TEX11: variants seen among roughly 807,000 people sequenced by gnomAD.
TEX11 encodes the protein testis-expressed protein 11.
In TEX11, 7 loss-of-function variants were observed where a neutral mutation model predicts 84.4. The ratio of observed to expected loss-of-function variants is 0.08; its 90% CI spans 0.05 to 0.16. TEX11 has a LOEUF of 0.16. Ranked by LOEUF, TEX11 falls within the 10% of genes least tolerant of loss-of-function variation. The pLI, the probability that TEX11 is intolerant of heterozygous loss-of-function variation, is 1.00. For synonymous variants in TEX11, 264 were observed against 222.8 expected (o/e 1.18, Z -1.64); for missense variants, 551 against 660.5 (o/e 0.83, Z 1.82).
intron 22 of TEX11, among the ~76,000 whole-genome samples, chrX:70,607,261 C>T (rs2147524604): frequency 9.0e-6 from 1 of 111,289 alleles, no homozygotes; most frequent in South Asian, 3.8e-4. Context: ...GGAGGTACTG[C>T]TGAATTTTTT....
intron 11 of TEX11, among the ~76,000 whole-genome samples, chrX:70,737,064 T>C: frequency 9.0e-6 from 1 of 111,433 alleles, no homozygotes; most frequent in Non-Finnish European, 1.9e-5. Flanking sequence ...AGAAGTGACA[T>C]AGATATTAGA....
At chrX:70,678,006 C>T (rs776780755) in intron 15 of TEX11, among the ~76,000 whole-genome samples, 3 of 108,548 alleles carry the variant, frequency 2.8e-5, no homozygotes, top group Non-Finnish European at 5.7e-5. Context: ...TAGAGATGGG[C>T]TTTCACCATG....
At chrX:70,725,442 T>A in intron 11 of TEX11, 99 bp from the exon 12 acceptor site, 2 of 487,155 alleles carry the variant, frequency 4.1e-6, no homozygotes, top group Non-Finnish European at 6.7e-6. Flanking sequence ...TTGGGATAAC[T>A]CATAATCAAA....
chrX:70,840,587 C>A (rs2091436813), intron 7 of TEX11, among the ~76,000 whole-genome samples: 1 of 111,376 alleles, frequency 9.0e-6, no homozygotes, highest in South Asian at 3.8e-4. Context: ...AGCAAAATGA[C>A]CAGCTAACAT....
intron 24 of TEX11, among the ~76,000 whole-genome samples, chrX:70,602,635 C>T (rs2089137364): frequency 9.3e-6 from 1 of 107,888 alleles, no homozygotes; most frequent in South Asian, 4.1e-4. Flanking sequence ...CCTTTGAAAA[C>T]TGGCACAAGA....
intron 18 of TEX11, among the ~76,000 whole-genome samples, chrX:70,626,036 CTGCGCGCGGCAT>C (rs2089447467): frequency 9.0e-6 from 1 of 111,393 alleles, no homozygotes; most frequent in African/African-American, 3.3e-5. Context: ...GCGTGAGCCA[CTGCGCGCGGCAT>C]ATTTTCCGCA....
chrX:70,586,243 T>A (rs890718195), intron 25 of TEX11, among the ~76,000 whole-genome samples: 9 of 112,090 alleles, frequency 8.0e-5, no homozygotes, highest in Non-Finnish European at 1.1e-4. Context: ...TAGGAATAAA[T>A]CTTCATGACT....
chrX:70,600,091 C>G (rs1296141046), intron 24 of TEX11, among the ~76,000 whole-genome samples: 2 of 111,261 alleles, frequency 1.8e-5, no homozygotes, highest in Admixed American at 1.9e-4. Flanking sequence ...TGAGGAATTG[C>G]CACACTGACT....
chrX:70,558,854 A>C, intron 25 of TEX11, among the ~76,000 whole-genome samples: 1 of 112,129 alleles, frequency 8.9e-6, no homozygotes, highest in East Asian at 2.8e-4. Flanking sequence ...CAGGAAATCA[A>C]AACCATAATA....
chrX:70,766,357 A>C (rs1049982837), intron 9 of TEX11, among the ~76,000 whole-genome samples: 6 of 109,889 alleles, frequency 5.5e-5, no homozygotes, highest in Non-Finnish European at 1.1e-4. Context: ...AGTTGCAGTG[A>C]GCTGAGATTG....
At chrX:70,905,807 T>C (rs1369705809) in intron 2 of TEX11, among the ~76,000 whole-genome samples, 1 of 107,297 alleles carries the variant, frequency 9.3e-6, no homozygotes, top group East Asian at 2.9e-4. Context: ...ATCCTAAGAC[T>C]TTGGGAGGCT....
chrX:70,744,126 T>G (rs1215417287), intron 10 of TEX11, 39 bp downstream of exon 10: 2 of 882,587 alleles, frequency 2.3e-6, no homozygotes, highest in African/African-American at 4.2e-5. Flanking sequence ...TAAAGCAGGT[T>G]ATTCAACCTA....
At position 70,605,307 on chromosome X, in the gene TEX11, C is replaced by A. The variant is rs189929727; in HGVS notation, c.2067+94G>T. The A allele has an allele frequency of 6.0e-4, 333 of 557,170 alleles. 4 individuals are homozygous for A. In the African/African-American group the frequency reaches 6.8e-3, roughly 11 times the overall value. The allele number at this position is 557,170 out of a possible 1,213,427, so 45.9% of individuals were successfully genotyped here. On this transcript the variant is annotated intron_variant, in intron 24 of 29. Transcript: ENST00000374333. Reference sequence around the variant, plus strand: ...CGATGCTGGAGTGGAGAAAAGGATTCTCTAAAGAGAATCAAAAAGAACTGC... The same window carrying A: ...CGATGCTGGAGTGGAGAAAAGGATTATCTAAAGAGAATCAAAAAGAACTGC...
At chrX:70,865,383 G>A (rs1407164080) in intron 4 of TEX11, among the ~76,000 whole-genome samples, 1 of 111,737 alleles carries the variant, frequency 8.9e-6, no homozygotes, top group African/African-American at 3.3e-5. Flanking sequence ...GGGGCACCCA[G>A]ATTCATAAAG....
At chrX:70,615,256 A>C (rs1011534918) in intron 20 of TEX11, among the ~76,000 whole-genome samples, 26 of 111,722 alleles carry the variant, frequency 2.3e-4, no homozygotes, top group African/African-American at 8.5e-4. Context: ...TCAGAAAGAG[A>C]ATTCAAAATA....
intron 4 of TEX11, among the ~76,000 whole-genome samples, chrX:70,863,281 G>C (rs1483232920): frequency 1.8e-5 from 2 of 111,995 alleles, no homozygotes; most frequent in African/African-American, 6.5e-5. Flanking sequence ...CTGACTGGGA[G>C]AGACCTCCCA....
At chrX:70,886,657 T>A (rs1416043426) in intron 2 of TEX11, among the ~76,000 whole-genome samples, 1 of 112,010 alleles carries the variant, frequency 8.9e-6, no homozygotes, top group Non-Finnish European at 1.9e-5. Context: ...GCCCCTAGTA[T>A]GTTAAAGCTC....
intron 25 of TEX11, among the ~76,000 whole-genome samples, chrX:70,584,215 G>A (rs1381864688): frequency 3.7e-5 from 4 of 107,778 alleles, no homozygotes; most frequent in African/African-American, 6.8e-5. Flanking sequence ...CCCGGGAAGC[G>A]GAACTTGCAG....
chrX:70,606,053 C>G (rs967825007), intron 23 of TEX11, among the ~76,000 whole-genome samples: 1 of 112,287 alleles, frequency 8.9e-6, no homozygotes, highest in Admixed American at 9.4e-5. Flanking sequence ...TCCTACAAGT[C>G]CCATCACAAA....
Sources: allele counts gnomAD v4.1 joint callset (sites outside exome capture counted in the v4.1 genomes callset), GRCh38; gene constraint gnomAD v4.1.1; transcripts MANE v1.5; gene names NCBI Gene and HGNC (gene_info 2026-07-23, HGNC 2026-07-21).